Variants in GRM1 observed in about 807,000 individuals in gnomAD.
GRM1 encodes glutamate metabotropic receptor 1, also known as metabotropic glutamate receptor 1.
Under a neutral mutation model 90.9 loss-of-function variants are expected in GRM1, and 33 were observed. The observed-to-expected ratio is 0.36, with a 90% CI of 0.28 to 0.49. GRM1 has a LOEUF of 0.49. Among genes scored for constraint, GRM1 ranks in the 20% least tolerant of loss-of-function variants. GRM1 has a pLI of 0.99. For synonymous variants in GRM1, 700 were observed against 613.2 expected, an observed-to-expected ratio of 1.14 and a Z score of -2.09; for missense variants, 1,190 against 1,534.3, an observed-to-expected ratio of 0.78 and a Z score of 3.75.
intron 1 of GRM1, among the ~76,000 whole-genome samples, chr6:146,142,253 A>C (rs186266423): frequency 6.6e-6 from 1 of 152,198 alleles, no homozygotes; most frequent in Admixed American, 6.5e-5. Flanking sequence ...TCTCCCAAAC[A>C]AATAGAGTCT....
At chr6:146,070,536 T>C (rs2128858334) in intron 1 of GRM1, among the ~76,000 whole-genome samples, 1 of 152,292 alleles carries the variant, frequency 6.6e-6, no homozygotes, top group South Asian at 2.1e-4. Context: ...CACGTAGTTT[T>C]GGTACCTGAT....
chr6:146,309,709 A>G (rs899198760), intron 3 of GRM1, among the ~76,000 whole-genome samples: 2 of 152,126 alleles, frequency 1.3e-5, no homozygotes, highest in Non-Finnish European at 2.9e-5. Context: ...TCTTACATAA[A>G]AAAAAAAGCA....
At chr6:146,202,941 A>G (rs888865722) in intron 2 of GRM1, among the ~76,000 whole-genome samples, 1 of 152,026 alleles carries the variant, frequency 6.6e-6, no homozygotes, top group Non-Finnish European at 1.5e-5. Context: ...CACGTTTGTA[A>G]TCCCAGCACT....
At chr6:146,343,675 T>C (rs1219051862) in intron 3 of GRM1, among the ~76,000 whole-genome samples, 1 of 151,244 alleles carries the variant, frequency 6.6e-6, no homozygotes, top group Non-Finnish European at 1.5e-5. Flanking sequence ...TTATTATTAT[T>C]ATTATTATTG....
chr6:146,089,547 C>G (rs955866036), intron 1 of GRM1, among the ~76,000 whole-genome samples: 1 of 152,078 alleles, frequency 6.6e-6, no homozygotes, highest in Non-Finnish European at 1.5e-5. Context: ...TTCACCCCTA[C>G]CCAGATTTTA....
At chr6:146,083,367 G>A (rs1776430173) in intron 1 of GRM1, among the ~76,000 whole-genome samples, 1 of 152,092 alleles carries the variant, frequency 6.6e-6, no homozygotes, top group African/African-American at 2.4e-5. Flanking sequence ...GTGGCTGTGG[G>A]TTTGTCATAA....
At chr6:146,355,570 G>A (rs1194482669) in intron 4 of GRM1, among the ~76,000 whole-genome samples, 1 of 152,128 alleles carries the variant, frequency 6.6e-6, no homozygotes, top group Non-Finnish European at 1.5e-5. Context: ...TGGATGTGGA[G>A]AAGCCATTAG....
At chr6:146,049,217 C>T (rs1791436791) in intron 1 of GRM1, among the ~76,000 whole-genome samples, 1 of 151,924 alleles carries the variant, frequency 6.6e-6, no homozygotes, top group Non-Finnish European at 1.5e-5. Context: ...TAGGTGTCAG[C>T]TTGACTTGAT....
chr6:146,203,580 A>G (rs1174273000), intron 2 of GRM1, among the ~76,000 whole-genome samples: 1 of 152,184 alleles, frequency 6.6e-6, no homozygotes, highest in African/African-American at 2.4e-5. Flanking sequence ...TTTATGCTCA[A>G]AGGAGGAGAA....
chr6:146,224,967 A>G (rs970392212), intron 2 of GRM1, among the ~76,000 whole-genome samples: 1 of 152,070 alleles, frequency 6.6e-6, no homozygotes, highest in Non-Finnish European at 1.5e-5. Context: ...CCTTCTCCCC[A>G]CCCCAAATAC....
At chr6:146,215,958 C>T (rs1419540802) in intron 2 of GRM1, among the ~76,000 whole-genome samples, 9 of 152,078 alleles carry the variant, frequency 5.9e-5, no homozygotes, top group African/African-American at 1.7e-4. Context: ...GGGGTTTCAC[C>T]GTGTTAGCCA....
At chr6:146,341,572 T>C (rs548767095) in intron 3 of GRM1, among the ~76,000 whole-genome samples, 1 of 152,328 alleles carries the variant, frequency 6.6e-6, no homozygotes, top group African/African-American at 2.4e-5. Flanking sequence ...ATTAGTATTT[T>C]GGTAGGACTG....
At chr6:146,254,030 G>A (rs1485315853) in intron 2 of GRM1, among the ~76,000 whole-genome samples, 3 of 151,964 alleles carry the variant, frequency 2.0e-5, no homozygotes, top group Non-Finnish European at 1.5e-5. Context: ...TAGATAGTGT[G>A]TATGTATAAG....
At chr6:146,079,161 T>C (rs1776282794) in intron 1 of GRM1, among the ~76,000 whole-genome samples, 1 of 152,216 alleles carries the variant, frequency 6.6e-6, no homozygotes, top group Non-Finnish European at 1.5e-5. Flanking sequence ...GAGCCCTTTT[T>C]ACTTGGCTGT....
At chr6:146,158,759 T>C (rs1327856458) in intron 1 of GRM1, among the ~76,000 whole-genome samples, 1 of 152,196 alleles carries the variant, frequency 6.6e-6, no homozygotes, top group Non-Finnish European at 1.5e-5. Context: ...AAAATCAAAA[T>C]ATAAGACACA....
At chr6:146,358,971 T>C (rs923454877) in intron 5 of GRM1, among the ~76,000 whole-genome samples, 1 of 152,222 alleles carries the variant, frequency 6.6e-6, no homozygotes, top group Non-Finnish European at 1.5e-5. Context: ...ATTCTCATGC[T>C]GTGACACAGT....
In GRM1 at chr6:146,029,588, G is replaced by T. The variant is rs752324287; in HGVS notation, c.71G>T (p.Gly24Val). ...LEVSLLPRSP[G>V]RKVLLAGASS... ...GTGTCCCTTCTCCCCAGAAGCCCCGGCAGGAAAGTGTTGCTGGCAGGAGCG... is the reference window on the plus strand; with the variant it reads ...GTGTCCCTTCTCCCCAGAAGCCCCGTCAGGAAAGTGTTGCTGGCAGGAGCG... Residue 24 changes from glycine (G) to valine (V), a missense_variant, in exon 1 of 8, where the codon GGC (glycine) becomes GTC (valine). Coordinates refer to ENST00000282753, the MANE Select transcript of GRM1 (RefSeq NM_001278064.2). 2 of 1,614,124 alleles carry T rather than the reference G, an allele frequency of 1.2e-6. No individual in the cohort carries two copies. The highest frequency in any genetic ancestry group is 1.1e-5 in the South Asian group (1 of 91,080).
chr6:146,351,526 T>G (rs529033456), intron 3 of GRM1, among the ~76,000 whole-genome samples: 3 of 152,298 alleles, frequency 2.0e-5, no homozygotes, highest in African/African-American at 7.2e-5. Context: ...GCAAACCTGC[T>G]TGGCAGTAGG....
chr6:146,086,515 G>A (rs1582982806), intron 1 of GRM1, among the ~76,000 whole-genome samples: 1 of 151,998 alleles, frequency 6.6e-6, no homozygotes, highest in Non-Finnish European at 1.5e-5. Context: ...GAGGGGCTGG[G>A]TACTATTTAC....
Sources: allele counts gnomAD v4.1 joint callset (sites outside exome capture counted in the v4.1 genomes callset), GRCh38; gene constraint gnomAD v4.1.1; transcripts MANE v1.5; gene names NCBI Gene and HGNC (gene_info 2026-07-23, HGNC 2026-07-21).